Variants in SLC44A5 observed in about 807,000 individuals in gnomAD.
SLC44A5 encodes the protein choline transporter-like protein 5.
In SLC44A5, 57 loss-of-function variants were observed where a neutral mutation model predicts 101.8. That is an observed-to-expected ratio of 0.56 (90% CI 0.45 to 0.70). The LOEUF is 0.70. SLC44A5 is among the 30% of genes least tolerant of loss of function. The probability of loss-of-function intolerance (pLI) is 0.00; values close to 1 mark genes in which losing one functional copy is unlikely to be tolerated. For missense variants in SLC44A5, 737 were observed against 853.1 expected, an observed-to-expected ratio of 0.86 and a Z score of 1.70; for synonymous variants, 281 against 290.9, an observed-to-expected ratio of 0.97 and a Z score of 0.35.
chr1:75,450,907 C>T (rs1162898504), intron 2 of SLC44A5, among the ~76,000 whole-genome samples: 4 of 152,176 alleles, frequency 2.6e-5, no homozygotes, highest in African/African-American at 4.8e-5. Context: ...TCCTGAGCCA[C>T]CCCACCTTTC....
At chr1:75,715,473 G>A in the SLC44A5 span, among the ~76,000 whole-genome samples, 5 of 152,152 alleles carry the variant, frequency 3.3e-5, no homozygotes, top group African/African-American at 1.2e-4. Context: ...ATAGAATAGA[G>A]AGCCCAGAAG....
At chr1:75,510,823 TCAA>T (rs915825049) in intron 2 of SLC44A5, among the ~76,000 whole-genome samples, 5 of 152,122 alleles carry the variant, frequency 3.3e-5, no homozygotes, top group African/African-American at 7.2e-5. Flanking sequence ...CCAATTCTGA[TCAA>T]CAACAACAAC....
chr1:75,533,343 G>A (rs1301711947), intron 2 of SLC44A5, among the ~76,000 whole-genome samples: 3 of 152,040 alleles, frequency 2.0e-5, no homozygotes, highest in South Asian at 4.2e-4. Context: ...AGGCCCCAAC[G>A]GAAACAATAG....
At chr1:75,237,534 A>T (rs1278883686) in intron 10 of SLC44A5, among the ~76,000 whole-genome samples, 1 of 152,128 alleles carries the variant, frequency 6.6e-6, no homozygotes, top group African/African-American at 2.4e-5. Context: ...GAACACATTT[A>T]TGTAACTACA....
intron 23 of SLC44A5, among the ~76,000 whole-genome samples, chr1:75,208,205 C>A (rs1646785485): frequency 6.6e-6 from 1 of 152,160 alleles, no homozygotes; most frequent in Admixed American, 6.5e-5. Context: ...GTCACCTAGC[C>A]TGGAGTGCAG....
the SLC44A5 span, among the ~76,000 whole-genome samples, chr1:75,684,129 A>G: frequency 1.3e-5 from 2 of 152,256 alleles, no homozygotes; most frequent in East Asian, 3.9e-4. Context: ...GGGAACACTC[A>G]TTTATAAAAC....
Position 75,476,364 on chromosome 1 carries a change from G to A in SLC44A5, c.13+65071C>T, listed in dbSNP as rs181544683. Among the ~76,000 whole-genome samples the A allele has an allele frequency of 9.5e-3, 1,452 of 152,230 alleles. 27 individuals are homozygous for A. The highest frequency in any genetic ancestry group is 0.033 in the African/African-American group (1,358 of 41,542). ...TTTCTGCATTTCTATCTGAGGTACCGGGTTCATCTCACTAGGGAGTGCCAG... is the reference window on the plus strand; with the variant it reads ...TTTCTGCATTTCTATCTGAGGTACCAGGTTCATCTCACTAGGGAGTGCCAG... On this transcript the variant is annotated intron_variant, in intron 2 of 23. Coordinates refer to ENST00000370859, the MANE Select transcript of SLC44A5 (RefSeq NM_001130058.2).
At chr1:75,641,921 T>A in the SLC44A5 span, 1 of 1,605,770 alleles carries the variant, frequency 6.2e-7, no homozygotes, top group Non-Finnish European at 8.5e-7. Flanking sequence ...TGGTTTGGAT[T>A]TGGATTTCTT....
Position 75,384,387 on chromosome 1 carries a change from A to C in SLC44A5, c.52+12196T>G, listed in dbSNP as rs770567926. ...ATCTACCAAGCAAATGGAAAACAAAAAAAGGCAGGGGTTGCAATCCTAGTC... is the reference window on the plus strand; with the variant it reads ...ATCTACCAAGCAAATGGAAAACAAACAAAGGCAGGGGTTGCAATCCTAGTC... On this transcript the variant is annotated intron_variant, in intron 3 of 23. Coordinates refer to ENST00000370859, the MANE Select transcript of SLC44A5 (RefSeq NM_001130058.2). Among the ~76,000 whole-genome samples, 619 of 141,238 alleles carry C rather than the reference A, an allele frequency of 4.4e-3. 4 individuals carry two copies. The highest frequency in any genetic ancestry group is 7.5e-3 in the Non-Finnish European group (492 of 65,524). The allele number at this position is 141,238 out of a possible 152,430, so 92.7% of individuals were successfully genotyped here.
intron 23 of SLC44A5, among the ~76,000 whole-genome samples, chr1:75,211,065 C>T (rs1259994089): frequency 6.6e-6 from 1 of 152,096 alleles, no homozygotes; most frequent in Non-Finnish European, 1.5e-5. Flanking sequence ...TTCAAGTTAA[C>T]AATACAGTAT....
intron 2 of SLC44A5, among the ~76,000 whole-genome samples, chr1:75,460,037 T>C (rs1666412378): frequency 6.6e-6 from 1 of 152,132 alleles, no homozygotes; most frequent in African/African-American, 2.4e-5. Context: ...GTAGCAGGTG[T>C]TCCTGAGAGT....
At chr1:75,691,982 G>A in the SLC44A5 span, among the ~76,000 whole-genome samples, 1 of 152,062 alleles carries the variant, frequency 6.6e-6, no homozygotes, top group African/African-American at 2.4e-5. Flanking sequence ...TACATAGCAT[G>A]CTTCATTGTC....
intron 5 of SLC44A5, among the ~76,000 whole-genome samples, chr1:75,294,590 C>G (rs1378125150): frequency 1.3e-5 from 2 of 151,892 alleles, no homozygotes; most frequent in African/African-American, 4.8e-5. Context: ...AAGTATCGAT[C>G]AATAGTTGAA....
the SLC44A5 span, among the ~76,000 whole-genome samples, chr1:75,628,242 A>G: frequency 6.6e-6 from 1 of 152,012 alleles, no homozygotes; most frequent in African/African-American, 2.4e-5. Context: ...AAACCTTCCC[A>G]ATTTGTTTCA....
At chr1:75,408,793 C>T (rs934533719) in intron 2 of SLC44A5, among the ~76,000 whole-genome samples, 10 of 152,062 alleles carry the variant, frequency 6.6e-5, no homozygotes, top group Non-Finnish European at 1.2e-4. Context: ...ACCACCATGG[C>T]ACATGTATAC....
At chr1:75,478,657 G>A (rs970199738) in intron 2 of SLC44A5, among the ~76,000 whole-genome samples, 4 of 152,010 alleles carry the variant, frequency 2.6e-5, no homozygotes, top group Non-Finnish European at 4.4e-5. Flanking sequence ...GACAAAGAAG[G>A]CCATTACATA....
intron 6 of SLC44A5, among the ~76,000 whole-genome samples, chr1:75,262,469 A>G (rs1409500404): frequency 6.6e-6 from 1 of 152,240 alleles, no homozygotes; most frequent in African/African-American, 2.4e-5. Flanking sequence ...ACCACTGTTC[A>G]AGGAAGTAAG....
chr1:75,541,338 C>G (rs1187112699), intron 2 of SLC44A5, 97 bp downstream of exon 2: 1 of 938,530 alleles, frequency 1.1e-6, no homozygotes, highest in Non-Finnish European at 1.7e-6. Flanking sequence ...ATAGTATATA[C>G]TCATTTTTCT....
At chr1:75,684,394 A>T in the SLC44A5 span, among the ~76,000 whole-genome samples, 8 of 152,152 alleles carry the variant, frequency 5.3e-5, no homozygotes, top group Admixed American at 1.3e-4. Flanking sequence ...TTTCAGTATG[A>T]ACTCAAAAGT....
Sources: gnomAD v4.1 joint callset for allele counts (sites outside exome capture counted in the v4.1 genomes callset) on GRCh38, gnomAD v4.1.1 for gene constraint, MANE v1.5 for transcripts, NCBI Gene and HGNC (gene_info 2026-07-23, HGNC 2026-07-21) for gene names.